MROH1: variants seen among roughly 807,000 people sequenced by gnomAD.
MROH1 encodes maestro heat-like repeat-containing protein family member 1.
A neutral mutation model predicts 116.5 loss-of-function variants in MROH1; 117 were observed. The observed-to-expected ratio is 1.00, with a 90% CI of 0.86 to 1.17. The LOEUF (loss-of-function observed/expected upper bound fraction) is 1.17, where lower values mean the gene tolerates loss of function less well. MROH1 is among the 50% of genes most tolerant of loss of function. MROH1 has a pLI of 0.00. For missense variants in MROH1, 1,873 were observed against 1,338.5 expected, an observed-to-expected ratio of 1.40 and a Z score of -6.23; for synonymous variants, 921 against 583.9, an observed-to-expected ratio of 1.58 and a Z score of -8.32.
chr8:144,234,455 CTT>C (rs1202226668), intron 14 of MROH1, among the ~76,000 whole-genome samples: 3 of 98,322 alleles, frequency 3.1e-5, no homozygotes, highest in African/African-American at 1.1e-4. Flanking sequence ...ATATTTTACT[CTT>C]TTTGATGCTA....
chr8:144,258,098 G>A (rs1184469670), intron 35 of MROH1, among the ~76,000 whole-genome samples: 1 of 152,222 alleles, frequency 6.6e-6, no homozygotes, highest in Non-Finnish European at 1.5e-5. Flanking sequence ...CTCAAGCTGG[G>A]CCCTGTAGAG....
intron 17 of MROH1, 72 bp from the exon 18 acceptor site, chr8:144,239,542 C>A: frequency 1.3e-6 from 1 of 760,928 alleles, no homozygotes; most frequent in South Asian, 1.4e-5. Context: ...GTGATGTGGT[C>A]CTGCAGGTGC....
intron 2 of MROH1, among the ~76,000 whole-genome samples, chr8:144,161,769 C>T (rs1026942778): frequency 6.6e-6 from 1 of 152,192 alleles, no homozygotes; most frequent in Non-Finnish European, 1.5e-5. Context: ...GGGTGCTGCA[C>T]GGTCGTGGAC....
intron 7 of MROH1, among the ~76,000 whole-genome samples, chr8:144,188,066 G>A (rs566503167): frequency 1.3e-5 from 2 of 152,316 alleles, no homozygotes; most frequent in South Asian, 2.1e-4. Flanking sequence ...CAGGACTGTC[G>A]GGAGCACCTG....
chr8:144,261,838 G>A lies in MROH1; in HGVS notation c.*98G>A. 1 of 698,420 alleles carries A rather than the reference G, an allele frequency of 1.4e-6. No individual in the cohort carries two copies. The allele number at this position is 698,420 out of a possible 1,614,324, so 43.3% of individuals were successfully genotyped here. On this transcript the variant is annotated 3_prime_UTR_variant, in exon 44 of 44. Transcript: ENST00000326134. ...AGGACCACAGCCTGGGCACACGACT[G>A]GAGGGGCCTGGCCCCAGAACAGGCA...
At chr8:144,150,857 G>A (rs980307894) in intron 1 of MROH1, among the ~76,000 whole-genome samples, 1 of 152,156 alleles carries the variant, frequency 6.6e-6, no homozygotes, top group Non-Finnish European at 1.5e-5. Flanking sequence ...CACCACCATG[G>A]ACCTAGATGA....
intron 33 of MROH1, among the ~76,000 whole-genome samples, chr8:144,254,143 A>C (rs916242027): frequency 6.6e-6 from 1 of 152,122 alleles, no homozygotes; most frequent in African/African-American, 2.4e-5. Context: ...TATTCTCTGT[A>C]ATAATTTATC....
chr8:144,153,610 T>C (rs896394056), intron 1 of MROH1, among the ~76,000 whole-genome samples: 1 of 152,206 alleles, frequency 6.6e-6, no homozygotes, highest in Non-Finnish European at 1.5e-5. Context: ...CATTCATCCA[T>C]TGGTGCACAC....
At chr8:144,228,287 A>G (rs9987199) in intron 14 of MROH1, among the ~76,000 whole-genome samples, 131 of 152,348 alleles carry the variant, frequency 8.6e-4, no homozygotes, top group African/African-American at 3.1e-3. Flanking sequence ...CAATAGCATT[A>G]TGTCTAAAAA....
At chr8:144,255,919 C>T (rs1453239672) in intron 35 of MROH1, among the ~76,000 whole-genome samples, 15 of 152,244 alleles carry the variant, frequency 9.9e-5, no homozygotes, top group Non-Finnish European at 1.8e-4. Flanking sequence ...GAAGGCCTCC[C>T]TCCTCGCCTC....
chr8:144,157,909 T>C (rs1818550053), intron 1 of MROH1, among the ~76,000 whole-genome samples: 1 of 151,548 alleles, frequency 6.6e-6, no homozygotes, highest in Non-Finnish European at 1.5e-5. Context: ...ACTCCTGAGC[T>C]TGAGTGATCC....
At chr8:144,222,853 C>G (rs759111509) in intron 13 of MROH1, among the ~76,000 whole-genome samples, 1 of 151,828 alleles carries the variant, frequency 6.6e-6, no homozygotes, top group Non-Finnish European at 1.5e-5. Context: ...CAGGTAGGTA[C>G]AGGTGTGGGT....
chr8:144,252,213 C>G, intron 33 of MROH1: 1 of 163,554 alleles, frequency 6.1e-6, no homozygotes, highest in Non-Finnish European at 1.3e-5. Context: ...ATGCATTTCT[C>G]TTTCGTGTGT....
chr8:144,246,982 G>A (rs1842026946), intron 29 of MROH1, among the ~76,000 whole-genome samples: 1 of 152,260 alleles, frequency 6.6e-6, no homozygotes, highest in South Asian at 2.1e-4. Flanking sequence ...CCTCACCCCA[G>A]TTGTCCGTCT....
At chr8:144,169,303 C>T (rs1224441968) in intron 4 of MROH1, among the ~76,000 whole-genome samples, 1 of 152,198 alleles carries the variant, frequency 6.6e-6, no homozygotes, top group East Asian at 1.9e-4. Context: ...CTACCATCTC[C>T]TGGGGAAGAT....
At chr8:144,204,324 C>T (rs1403550764) in intron 12 of MROH1, among the ~76,000 whole-genome samples, 4 of 152,196 alleles carry the variant, frequency 2.6e-5, no homozygotes, top group African/African-American at 7.2e-5. Flanking sequence ...GTTGCCCAGG[C>T]TGGTCTCAAA....
chr8:144,171,798 C>T (rs1822513712), intron 4 of MROH1, among the ~76,000 whole-genome samples: 1 of 152,226 alleles, frequency 6.6e-6, no homozygotes, highest in Non-Finnish European at 1.5e-5. Context: ...GACCGCCTGA[C>T]ATTCCTAGTT....
intron 23 of MROH1, 26 bp from the exon 24 acceptor site, chr8:144,242,576 A>G: frequency 1.3e-6 from 1 of 780,312 alleles, no homozygotes; most frequent in Non-Finnish European, 2.4e-6. Flanking sequence ...GTCACGTCTT[A>G]ACTCATTTCA....
chr8:144,247,044 T>C (rs1439909606), intron 29 of MROH1, among the ~76,000 whole-genome samples: 2 of 152,332 alleles, frequency 1.3e-5, no homozygotes, highest in East Asian at 1.9e-4. Context: ...CTCCTTCTTG[T>C]AGGGGCCCGG....
Sources: gnomAD v4.1 joint callset for allele counts (sites outside exome capture counted in the v4.1 genomes callset) on GRCh38, gnomAD v4.1.1 for gene constraint, MANE v1.5 for transcripts, NCBI Gene and HGNC (gene_info 2026-07-23, HGNC 2026-07-21) for gene names.